The following GYPB variants were observed in gnomAD, a reference collection of about 807,000 sequenced individuals.
GYPB encodes glycophorin B (MNS blood group).
In GYPB, 13 loss-of-function variants were observed where a neutral mutation model predicts 15.3. The observed-to-expected ratio is 0.85, with a 90% confidence interval of 0.55 to 1.35. The LOEUF (loss-of-function observed/expected upper bound fraction) is 1.35. GYPB is among the 40% of genes most tolerant of loss of function. GYPB has a pLI of 0.00. For synonymous variants in GYPB, 38 were observed against 36.9 expected, an observed-to-expected ratio of 1.03 and a Z score of -0.11; for missense variants, 131 against 108.3, an observed-to-expected ratio of 1.21 and a Z score of -0.93.
intron 1 of GYPB, 32 bp downstream of exon 1, chr4:144,019,219 T>G (rs1728658642): frequency 6.2e-7 from 1 of 1,610,230 alleles, no homozygotes; most frequent in Admixed American, 1.7e-5. Context: ...ATACCCAATA[T>G]AACAGAACCA....
chr4:143,996,441 G>T (rs1481517092), intron 4 of GYPB, 137 bp from the exon 5 acceptor site: 1 of 1,477,540 alleles, frequency 6.8e-7, no homozygotes, highest in Non-Finnish European at 9.2e-7. Context: ...GGGTACCTAG[G>T]GGTGTTGCCA....
chr4:144,008,469 T>C, intron 1 of GYPB: 1 of 455,250 alleles, frequency 2.2e-6, no homozygotes, highest in South Asian at 1.5e-5. Flanking sequence ...CAAATCCACA[T>C]TACGGAAGAG....
chr4:144,012,970 A>C (rs1180631493), intron 1 of GYPB, among the ~76,000 whole-genome samples: 2 of 151,766 alleles, frequency 1.3e-5, no homozygotes, highest in South Asian at 2.1e-4. Flanking sequence ...AAAATGAAAA[A>C]CATTTGTGCA....
In GYPB at chr4:143,997,596, C is replaced by A. The variant is rs371763359; in HGVS notation, c.214G>T (p.Ala72Ser). 1.3e-6 allele frequency: 2 copies of A among 1,596,586 alleles called. No homozygotes were observed. The highest frequency in any genetic ancestry group is 1.4e-5 in the African/African-American group (1 of 72,794). The change falls in exon 4 of 5, where the codon GCT becomes TCT. Residue 72 changes from alanine to serine, a missense_variant. Transcript: ENST00000502664. The part of the protein sequence containing the change: ...VIILIILCVM[A>S]GIIGTILLIS... Reference sequence around the variant, plus strand: ...AAGAGGATCGTTCCAATAATACCAGCCATCACACACAAAATAATGAGTATT... The same window carrying A: ...AAGAGGATCGTTCCAATAATACCAGACATCACACACAAAATAATGAGTATT...
chr4:144,018,590 AAATTAAT>A (rs1728625236), intron 1 of GYPB, among the ~76,000 whole-genome samples: 1 of 151,080 alleles, frequency 6.6e-6, no homozygotes, highest in African/African-American at 2.5e-5. Flanking sequence ...TTAAGACACT[AAATTAAT>A]AATTAAATTT....
In GYPB at chr4:143,996,151, T is replaced by A; in HGVS notation, c.*148A>T. On this transcript the variant is annotated 3_prime_UTR_variant, in exon 5 of 5. Coordinates refer to ENST00000502664, the MANE Select transcript of GYPB (RefSeq NM_002100.6). ...TTTTATTTAGAAGTAGAGAATACAG[T>A]AATAGTGAGGCAGGAGAACAGGGAA... 1 of 1,507,104 alleles carries A rather than the reference T, an allele frequency of 6.6e-7. No homozygotes were observed. The highest frequency in any genetic ancestry group is 1.3e-5 in the South Asian group (1 of 79,532). The allele number at this position is 1,507,104 out of a possible 1,614,324, so 93.4% of individuals were successfully genotyped here.
At chr4:144,000,821 G>C (rs922171466) in intron 2 of GYPB, among the ~76,000 whole-genome samples, 1 of 151,158 alleles carries the variant, frequency 6.6e-6, no homozygotes, top group African/African-American at 2.5e-5. Context: ...AACTCACCCT[G>C]GGTCAGCAGC....
At chr4:143,997,431 T>C in intron 4 of GYPB, 109 bp downstream of exon 4, 1 of 679,712 alleles carries the variant, frequency 1.5e-6, no homozygotes, top group South Asian at 1.6e-5. Context: ...AAAGATGGAA[T>C]TTTATGCAGT....
At chr4:144,011,899 A>T (rs865981883) in intron 1 of GYPB, among the ~76,000 whole-genome samples, 1 of 151,596 alleles carries the variant, frequency 6.6e-6, no homozygotes, top group Non-Finnish European at 1.5e-5. Context: ...AGCAAAATGC[A>T]ATTTCAGTGC....
intron 1 of GYPB, among the ~76,000 whole-genome samples, chr4:144,016,035 G>A (rs115475865): frequency 0.013 from 1,842 of 146,350 alleles, 130 homozygotes; most frequent in African/African-American, 0.045. Context: ...CACAGGTTTG[G>A]CTTTTCAAGA....
At chr4:144,018,084 T>C (rs1242331130) in intron 1 of GYPB, among the ~76,000 whole-genome samples, 1 of 151,430 alleles carries the variant, frequency 6.6e-6, no homozygotes, top group African/African-American at 2.5e-5. Context: ...ATTCTAATCA[T>C]AGAAAATGCG....
At chr4:144,015,403 G>C (rs1728435207) in intron 1 of GYPB, among the ~76,000 whole-genome samples, 2 of 151,152 alleles carry the variant, frequency 1.3e-5, no homozygotes. Context: ...AAAAATGTAG[G>C]TCCAGCCTGA....
rs1727296018 is a variant in GYPB at position 143,996,138 on chromosome 4, G to A, written c.*161C>T. The A allele has an allele frequency of 6.9e-7, 1 of 1,456,304 alleles. No homozygotes were observed. Among genetic ancestry groups the A allele is most frequent in the African/African-American group, 1.5e-5 (1 of 67,806 alleles). 90.2% of individuals were successfully genotyped at this position (1,456,304 alleles called of 1,614,324 possible). A position where few individuals can be genotyped will look rare whatever the true frequency, so the allele number is the denominator to read the frequency against. On this transcript the variant is annotated 3_prime_UTR_variant, in exon 5 of 5. Transcript: ENST00000502664. ...TATTTTGTTTTATTTTTATTTAGAA[G>A]TAGAGAATACAGTAATAGTGAGGCA...
In GYPB at chr4:143,996,227, A is replaced by T. The variant is rs967144271; in HGVS notation, c.*72T>A. ...AAGCAAAGGAATAGCAGGTGCAGCC[A>T]GTTTGCATAAACAAGAGAACAGCAG... On this transcript the variant is annotated 3_prime_UTR_variant, in exon 5 of 5. Coordinates refer to ENST00000502664, the MANE Select transcript of GYPB (RefSeq NM_002100.6). 1.9e-6 allele frequency: 3 copies of T among 1,549,838 alleles called. No individual in the cohort carries two copies. The highest frequency in any genetic ancestry group is 2.8e-5 in the African/African-American group (2 of 71,992).
At chr4:144,007,871 C>T (rs1728003243) in intron 1 of GYPB, among the ~76,000 whole-genome samples, 2 of 151,508 alleles carry the variant, frequency 1.3e-5, no homozygotes, top group African/African-American at 2.5e-5. Flanking sequence ...CTCCTAGGCT[C>T]AAGCAATTCT....
chr4:143,998,074 T>G, intron 3 of GYPB, among the ~76,000 whole-genome samples: 1 of 151,434 alleles, frequency 6.6e-6, no homozygotes, highest in East Asian at 1.9e-4. Context: ...GGAAAGAAAC[T>G]GGTATAAACA....
At chr4:144,008,374 A>G in intron 1 of GYPB, 1 of 455,272 alleles carries the variant, frequency 2.2e-6, no homozygotes, top group South Asian at 1.5e-5. Context: ...ATGAAGAGAT[A>G]TAAAGATAAT....
chr4:143,998,100 AAAG>A (rs1184496372), intron 3 of GYPB, among the ~76,000 whole-genome samples: 2 of 151,472 alleles, frequency 1.3e-5, no homozygotes, highest in African/African-American at 4.9e-5. Context: ...CAAATGAAGA[AAAG>A]AAGCTGAATA....
chr4:143,999,623 C>A (rs1727517387), intron 2 of GYPB, among the ~76,000 whole-genome samples, 174 bp from the exon 3 acceptor site: 1 of 151,316 alleles, frequency 6.6e-6, no homozygotes. Context: ...GTCAGTCTTA[C>A]CATTAGTAAT....
Sources: gnomAD v4.1 joint callset for allele counts (sites outside exome capture counted in the v4.1 genomes callset) on GRCh38, gnomAD v4.1.1 for gene constraint, MANE v1.5 for transcripts, NCBI Gene and HGNC (gene_info 2026-07-23, HGNC 2026-07-21) for gene names.